Variants in IL20RA observed in about 807,000 individuals in gnomAD.
IL20RA encodes the protein interleukin 20 receptor subunit alpha.
In IL20RA, 29 loss-of-function variants were observed where a neutral mutation model predicts 36.5. That is an observed-to-expected ratio of 0.79 (90% CI 0.59 to 1.08). IL20RA has a LOEUF of 1.08. Ranked by LOEUF, IL20RA falls within the 50% of genes least tolerant of loss-of-function variation. The probability of loss-of-function intolerance (pLI) is 0.00; values close to 1 mark genes in which losing one functional copy is unlikely to be tolerated. For synonymous variants in IL20RA, 279 were observed against 267.1 expected, an observed-to-expected ratio of 1.04 and a Z score of -0.43; for missense variants, 652 against 668.4, an observed-to-expected ratio of 0.98 and a Z score of 0.27.
rs144215718 is a variant in IL20RA, at chr6:137,013,332, T to C, written c.225-1880A>G. Among the ~76,000 whole-genome samples the C allele has an allele frequency of 1.8e-4, 28 of 152,304 alleles. No homozygotes were observed. The East Asian group carries it at 5.2e-3, about 28-fold the overall frequency. ...ATGCTGATGCAGGAGAAAAGGCTCTTTACAAGATTTTCAACAAAATAAATG... is the reference window on the plus strand; with the variant it reads ...ATGCTGATGCAGGAGAAAAGGCTCTCTACAAGATTTTCAACAAAATAAATG... On this transcript the variant is annotated intron_variant, in intron 2 of 6. Transcript: ENST00000316649.
At chr6:137,006,440 G>A (rs76613400) in intron 5 of IL20RA, among the ~76,000 whole-genome samples, 1 of 152,188 alleles carries the variant, frequency 6.6e-6, no homozygotes, top group Non-Finnish European at 1.5e-5. Context: ...CCTGGATTGA[G>A]CCTGTCCTAA....
chr6:137,025,394 C>T (rs1211317753), intron 1 of IL20RA, among the ~76,000 whole-genome samples: 4 of 152,174 alleles, frequency 2.6e-5, no homozygotes, highest in Non-Finnish European at 5.9e-5. Context: ...CTCCATCCAC[C>T]AAATCTGCCT....
rs1775003620 is a variant in IL20RA at position 137,000,708 on chromosome 6, A to G, written c.*850T>C. 1 of 152,226 alleles carries G rather than the reference A, an allele frequency of 6.6e-6. No homozygotes were observed. The highest frequency in any genetic ancestry group is 6.5e-5 in the Admixed American group (1 of 15,282). 9.4% of individuals were successfully genotyped at this position (152,226 alleles called of 1,614,324 possible). On this transcript the variant is annotated 3_prime_UTR_variant, in exon 7 of 7. Transcript: ENST00000316649. ...TGCCTATTCGAATGTTTAATATTAT[A>G]ATAGTAACACAGTAACCTAGAGCTT...
intron 1 of IL20RA, among the ~76,000 whole-genome samples, chr6:137,043,604 A>G (rs1776781615): frequency 6.6e-6 from 1 of 152,194 alleles, no homozygotes; most frequent in Non-Finnish European, 1.5e-5. Context: ...ATCTGTGTGC[A>G]TACTTTTCTT....
rs948231894 is a variant in IL20RA at position 137,008,090 on chromosome 6, C to T, written c.724+509G>A. On this transcript the variant is annotated intron_variant, in intron 5 of 6. Transcript: ENST00000316649. ...TCAGGTGATCCTCCCACCTCAGCCT[C>T]CCGAGTAGCTAGGACTACAGGCATG... Among the ~76,000 whole-genome samples, 7 of 152,254 alleles carry T rather than the reference C, an allele frequency of 4.6e-5. No individual in the cohort carries two copies. In the East Asian group the frequency reaches 1.4e-3, roughly 29 times the overall value.
At chr6:137,038,623 C>G (rs1776574165) in intron 1 of IL20RA, among the ~76,000 whole-genome samples, 1 of 152,012 alleles carries the variant, frequency 6.6e-6, no homozygotes, top group Non-Finnish European at 1.5e-5. Context: ...AAAATGCTGT[C>G]AGAACATCAC....
intron 2 of IL20RA, 78 bp downstream of exon 2, chr6:137,016,888 GGA>G (rs1775708111): frequency 8.0e-7 from 1 of 1,250,380 alleles, no homozygotes; most frequent in South Asian, 1.3e-5. Context: ...TTAATACCAC[GGA>G]GAGTTTATCT....
At chr6:137,017,873 A>G (rs1287824439) in intron 1 of IL20RA, among the ~76,000 whole-genome samples, 1 of 152,230 alleles carries the variant, frequency 6.6e-6, no homozygotes, top group Non-Finnish European at 1.5e-5. Flanking sequence ...TTGAGAAACT[A>G]CTAAAAACTT....
In IL20RA at chr6:137,044,843, G is replaced by T; in HGVS notation, c.-115C>A. 9.9e-7 allele frequency: 1 copy of T among 1,006,088 alleles called. No homozygotes were observed. The highest frequency in any genetic ancestry group is 1.3e-6 in the Non-Finnish European group (1 of 793,876). The allele number at this position is 1,006,088 out of a possible 1,614,324, so 62.3% of individuals were successfully genotyped here. A position where few individuals can be genotyped will look rare whatever the true frequency, so the allele number is the denominator to read the frequency against. ...CCGCGCCTGGGGCTCTGCGTGCCACGCTCCAGGCGACCTGAGTCCCAGGGC... is the reference window on the plus strand; with the variant it reads ...CCGCGCCTGGGGCTCTGCGTGCCACTCTCCAGGCGACCTGAGTCCCAGGGC... On this transcript the variant is annotated 5_prime_UTR_variant, in exon 1 of 7. Coordinates refer to ENST00000316649, the MANE Select transcript of IL20RA (RefSeq NM_014432.4).
At chr6:137,032,600 G>A (rs1054576045) in intron 1 of IL20RA, among the ~76,000 whole-genome samples, 1 of 152,084 alleles carries the variant, frequency 6.6e-6, no homozygotes, top group African/African-American at 2.4e-5. Context: ...TTTCAATGTT[G>A]CATTTCTTTT....
In IL20RA at chr6:137,019,420, C is replaced by T. The variant is rs150804392; in HGVS notation, c.89-2317G>A. Among the ~76,000 whole-genome samples the T allele has an allele frequency of 2.2e-4, 34 of 152,114 alleles. 1 individual carries two copies. The highest frequency in any genetic ancestry group is 7.2e-4 in the African/African-American group (30 of 41,486). ...CTGGGATTACAGGTATGAGCCACCG[C>T]GCCCAGCCCTATTTGTTTTTTTAAT... On this transcript the variant is annotated intron_variant, in intron 1 of 6. Coordinates refer to ENST00000316649, the MANE Select transcript of IL20RA (RefSeq NM_014432.4).
At position 137,001,717 on chromosome 6, in the gene IL20RA, T is replaced by G; in HGVS notation, c.1503A>C (p.Ser501=). ...IPSLSSFDQD[S]EGCEPSEGDG... ...CCCCCTCAGAAGGCTCGCAGCCCTCTGAATCCTGGTCGAAGCTGGACAGCG... is the reference window on the plus strand; with the variant it reads ...CCCCCTCAGAAGGCTCGCAGCCCTCGGAATCCTGGTCGAAGCTGGACAGCG... The change falls in exon 7 of 7, where the codon TCA becomes TCC. Residue 501 remains serine, a synonymous_variant. Coordinates refer to ENST00000316649, the MANE Select transcript of IL20RA (RefSeq NM_014432.4). 3 of 1,614,042 alleles carry G rather than the reference T, an allele frequency of 1.9e-6. No homozygotes were observed. The highest frequency in any genetic ancestry group is 2.5e-6 in the Non-Finnish European group (3 of 1,179,924).
intron 1 of IL20RA, chr6:137,044,142 CG>C: frequency 1.0e-6 from 1 of 985,726 alleles, no homozygotes; most frequent in Middle Eastern, 5.2e-4. Flanking sequence ...CTGACCCTTT[CG>C]GGGAGTTTGG....
At position 137,002,316 on chromosome 6, in the gene IL20RA, C is replaced by A. The variant is rs755220828; in HGVS notation, c.904G>T (p.Val302Leu). The A allele has an allele frequency of 6.2e-7, 1 of 1,604,006 alleles. No individual in the cohort carries two copies. The highest frequency in any genetic ancestry group is 8.5e-7 in the Non-Finnish European group (1 of 1,176,538). ...YGNEFDKRFF[V>L]PAEKIVINFI... ...TTAATCACGATTTTTTCAGCAGGCA[C>A]AAAGAATCTTTTGTCAAATTCATTT... is the stretch of plus-strand genomic sequence containing the variant. The change falls in exon 7 of 7, where the codon GTG becomes TTG. Residue 302 changes from valine (V) to leucine (L), a missense_variant. Coordinates refer to ENST00000316649, the MANE Select transcript of IL20RA (RefSeq NM_014432.4).
In IL20RA at chr6:137,028,471, AT is replaced by A. The variant is rs574931224; in HGVS notation, c.89-11369del. 1.2e-3 allele frequency among the ~76,000 whole-genome samples: 176 copies of A among 151,476 alleles called. 1 individual carries two copies. The highest frequency in any genetic ancestry group is 4.2e-3 in the African/African-American group (173 of 41,370). On this transcript the variant is annotated intron_variant, in intron 1 of 6. Transcript: ENST00000316649. ...AAAGCCCTGCTCTCGTGGAGGAGAT[AT>A]TTTCTGAGTCTGGGGCACAACCCAT...
At chr6:137,027,982 G>T (rs923865113) in intron 1 of IL20RA, among the ~76,000 whole-genome samples, 1 of 152,250 alleles carries the variant, frequency 6.6e-6, no homozygotes, top group African/African-American at 2.4e-5. Context: ...AAAAGTCAAT[G>T]AGGTAAACTC....
At chr6:137,023,586 C>T (rs941476249) in intron 1 of IL20RA, among the ~76,000 whole-genome samples, 23 of 152,166 alleles carry the variant, frequency 1.5e-4, no homozygotes, top group Non-Finnish European at 1.3e-4. Context: ...GCAGTAGCTC[C>T]ATTGTGCACC....
At position 136,999,974 on chromosome 6, in the gene IL20RA, C is replaced by G. The variant is rs1268816923; in HGVS notation, c.*1584G>C. ...GAATGGAATTAATAAGCAGAACTAT[C>G]ATCAATCACTTTATTTTTCTTTTGC... On this transcript the variant is annotated 3_prime_UTR_variant, in exon 7 of 7. Transcript: ENST00000316649. 6.6e-6 allele frequency: 1 copy of G among 152,226 alleles called. No homozygotes were observed. The highest frequency in any genetic ancestry group is 1.5e-5 in the Non-Finnish European group (1 of 68,034). 9.4% of individuals were successfully genotyped at this position (152,226 alleles called of 1,614,324 possible).
chr6:137,024,683 G>A (rs1000998527), intron 1 of IL20RA, among the ~76,000 whole-genome samples: 4 of 150,906 alleles, frequency 2.7e-5, no homozygotes, highest in South Asian at 2.1e-4. Flanking sequence ...ACACCTTTGC[G>A]TTTAGGTCCC....
Sources: allele counts gnomAD v4.1 joint callset (sites outside exome capture counted in the v4.1 genomes callset), GRCh38; gene constraint gnomAD v4.1.1; transcripts MANE v1.5; gene names NCBI Gene and HGNC (gene_info 2026-07-23, HGNC 2026-07-21).